The following SULF1 variants were observed in gnomAD, a reference collection of about 807,000 sequenced individuals.
The protein encoded by SULF1 is sulfatase 1, also known as extracellular sulfatase Sulf-1.
Under a neutral mutation model 110.5 loss-of-function variants are expected in SULF1, and 46 were observed. The ratio of observed to expected loss-of-function variants is 0.42; its 90% CI spans 0.33 to 0.53. The LOEUF is 0.53. SULF1 is among the 20% of genes least tolerant of loss of function. The pLI, the probability that SULF1 is intolerant of heterozygous loss-of-function variation, is 0.12. For synonymous variants in SULF1, 371 were observed against 387.1 expected, an observed-to-expected ratio of 0.96 and a Z score of 0.49; for missense variants, 941 against 1,094.2, an observed-to-expected ratio of 0.86 and a Z score of 1.98.
rs181524096 is a variant in SULF1, at chr8:69,608,228, G to C, written c.1377+3296G>C. Among the ~76,000 whole-genome samples, 59 of 152,294 alleles carry C rather than the reference G, an allele frequency of 3.9e-4. 1 individual carries two copies. The highest frequency in any genetic ancestry group is 3.6e-3 in the Admixed American group (55 of 15,300). On this transcript the variant is annotated intron_variant, in intron 13 of 22. Transcript: ENST00000402687. ...TCTCAGGTTTTCTATCTCTAAAATA[G>C]AGAAAATTAACCTCACCCTTGTGAG...
intron 13 of SULF1, among the ~76,000 whole-genome samples, chr8:69,620,090 G>T (rs568193418): frequency 2.0e-5 from 3 of 152,236 alleles, no homozygotes; most frequent in African/African-American, 7.2e-5. Flanking sequence ...GGACGGATGG[G>T]GAGCCAGAAG....
chr8:69,500,098 A>C (rs1810690252), intron 2 of SULF1, among the ~76,000 whole-genome samples: 1 of 152,220 alleles, frequency 6.6e-6, no homozygotes, highest in Non-Finnish European at 1.5e-5. Context: ...TACATTTATA[A>C]AATTTAAGAA....
intron 3 of SULF1, among the ~76,000 whole-genome samples, chr8:69,503,398 G>C (rs1810950263): frequency 6.6e-6 from 1 of 152,162 alleles, no homozygotes; most frequent in Non-Finnish European, 1.5e-5. Flanking sequence ...TAAGTTGAAA[G>C]TTAGGTCTCC....
chr8:69,555,000 A>AAAC (rs1815007830), intron 3 of SULF1, among the ~76,000 whole-genome samples: 2 of 31,816 alleles, frequency 6.3e-5, no homozygotes, highest in African/African-American at 4.4e-4. Context: ...AAAAAAAAAC[A>AAAC]AAAAAAAAAA....
At chr8:69,529,949 C>T (rs532849988) in intron 3 of SULF1, among the ~76,000 whole-genome samples, 6 of 152,246 alleles carry the variant, frequency 3.9e-5, no homozygotes, top group African/African-American at 7.2e-5. Context: ...TACCAGGAGG[C>T]GAGAGTCACT....
intron 3 of SULF1, among the ~76,000 whole-genome samples, chr8:69,540,203 T>C (rs1202271023): frequency 2.6e-5 from 4 of 152,202 alleles, no homozygotes; most frequent in African/African-American, 9.7e-5. Context: ...GATTCATCTC[T>C]CTATTCATAA....
At chr8:69,549,023 C>T (rs929408817) in intron 3 of SULF1, among the ~76,000 whole-genome samples, 3 of 152,290 alleles carry the variant, frequency 2.0e-5, no homozygotes, top group South Asian at 2.1e-4. Context: ...ACCCTGGGCT[C>T]GACCCTATGG....
chr8:69,510,555 A>T (rs1811482385), intron 3 of SULF1, among the ~76,000 whole-genome samples: 1 of 152,140 alleles, frequency 6.6e-6, no homozygotes, highest in South Asian at 2.1e-4. Context: ...GAAATTCAAA[A>T]ATCCAGTAAT....
chr8:69,605,016 A>T (rs1199606364), intron 13 of SULF1, 84 bp downstream of exon 13: 1 of 1,562,208 alleles, frequency 6.4e-7, no homozygotes, highest in Non-Finnish European at 8.6e-7. Flanking sequence ...AAAAGAATGT[A>T]CATTTGTGTA....
intron 3 of SULF1, among the ~76,000 whole-genome samples, chr8:69,515,900 C>A (rs1201141914): frequency 6.6e-6 from 1 of 152,170 alleles, no homozygotes; most frequent in Non-Finnish European, 1.5e-5. Flanking sequence ...GGCCTTTACT[C>A]AAGTTCTGAA....
intron 3 of SULF1, among the ~76,000 whole-genome samples, chr8:69,547,551 T>G (rs1024962172): frequency 6.6e-6 from 1 of 152,202 alleles, no homozygotes; most frequent in Non-Finnish European, 1.5e-5. Context: ...TCTGTGGGGT[T>G]TGTTTTCATT....
intron 3 of SULF1, among the ~76,000 whole-genome samples, chr8:69,516,435 A>C (rs972846752): frequency 6.6e-6 from 1 of 152,134 alleles, no homozygotes; most frequent in Non-Finnish European, 1.5e-5. Context: ...TTATGAGAAC[A>C]ACAAGAGGGA....
intron 3 of SULF1, among the ~76,000 whole-genome samples, chr8:69,514,212 G>T (rs1012945751): frequency 3.9e-5 from 6 of 152,202 alleles, no homozygotes; most frequent in African/African-American, 1.4e-4. Flanking sequence ...ATAAAGAAAA[G>T]AGGTTTAATT....
rs1807010053 is a variant in SULF1, at chr8:69,592,837, C to T, written c.734+3696C>T. The T allele has an allele frequency of 4.9e-6, 4 of 810,234 alleles. No homozygotes were observed. In the Admixed American group the frequency reaches 2.5e-4, roughly 50 times the overall value. The allele number at this position is 810,234 out of a possible 1,614,324, so 50.2% of individuals were successfully genotyped here. ...CAGTGAGAGAAATGACAACTTGATG[C>T]TTGTCCATTGTGACATGACAGACCT... On this transcript the variant is annotated intron_variant, in intron 8 of 22. Transcript: ENST00000402687.
At chr8:69,616,143 CATAT>C (rs939280265) in intron 13 of SULF1, among the ~76,000 whole-genome samples, 1 of 138,116 alleles carries the variant, frequency 7.2e-6, no homozygotes, top group Non-Finnish European at 1.6e-5. Context: ...TATATACACA[CATAT>C]ATGTGTGTGT....
intron 22 of SULF1, among the ~76,000 whole-genome samples, chr8:69,655,027 C>A (rs1194692835): frequency 7.9e-5 from 12 of 152,172 alleles, no homozygotes. Flanking sequence ...ATATTTTAAG[C>A]ATTTGCATTG....
chr8:69,556,725 G>A (rs1224508769), intron 3 of SULF1, among the ~76,000 whole-genome samples: 1 of 151,920 alleles, frequency 6.6e-6, no homozygotes, highest in East Asian at 1.9e-4. Flanking sequence ...TAACAATATC[G>A]CTGCCCTTCC....
At chr8:69,547,060 T>C (rs945273447) in intron 3 of SULF1, among the ~76,000 whole-genome samples, 1 of 152,026 alleles carries the variant, frequency 6.6e-6, no homozygotes, top group African/African-American at 2.4e-5. Context: ...TTGACAATTA[T>C]AAAACAACAA....
At chr8:69,640,192 A>AAG (rs952882426) in intron 21 of SULF1, among the ~76,000 whole-genome samples, 1 of 118,958 alleles carries the variant, frequency 8.4e-6, no homozygotes, top group African/African-American at 2.9e-5. Context: ...AAAAGAAAGA[A>AAG]AGAGAGAGAG....
Sources: allele counts gnomAD v4.1 joint callset (sites outside exome capture counted in the v4.1 genomes callset), GRCh38; gene constraint gnomAD v4.1.1; transcripts MANE v1.5; gene names NCBI Gene and HGNC (gene_info 2026-07-23, HGNC 2026-07-21).